Variants in BACH1 observed in about 807,000 individuals in gnomAD.
The protein encoded by BACH1 is BTB domain and CNC homolog 1.
In BACH1, 35 loss-of-function variants were observed where a neutral mutation model predicts 52.9. The observed-to-expected ratio is 0.66, with a 90% confidence interval of 0.51 to 0.88. BACH1 has a LOEUF of 0.88. Among genes scored for constraint, BACH1 ranks in the 40% least tolerant of loss-of-function variants. BACH1 has a pLI of 0.00. For synonymous variants in BACH1, 321 were observed against 319.6 expected (o/e 1.00, Z -0.05); for missense variants, 808 against 872.6 (o/e 0.93, Z 0.93).
chr21:29,300,464 C>T (rs1701803345), intron 1 of BACH1, among the ~76,000 whole-genome samples: 1 of 152,140 alleles, frequency 6.6e-6, no homozygotes, highest in African/African-American at 2.4e-5. Context: ...TGTTTTGATA[C>T]AGGTTATCAG....
chr21:29,335,699 C>T (rs973811446), intron 4 of BACH1, among the ~76,000 whole-genome samples: 3 of 152,176 alleles, frequency 2.0e-5, no homozygotes, highest in African/African-American at 7.2e-5. Context: ...TTTGTCTCTC[C>T]ACCTCAGATC....
At chr21:29,352,347 C>T (rs1201177407) in intron 2 of BACH1, among the ~76,000 whole-genome samples, 1 of 152,086 alleles carries the variant, frequency 6.6e-6, no homozygotes, top group Non-Finnish European at 1.5e-5. Flanking sequence ...AGCCACTGCT[C>T]CCGGCCTAGA....
At chr21:29,322,056 G>C (rs2088854771) in intron 2 of BACH1, among the ~76,000 whole-genome samples, 2 of 152,176 alleles carry the variant, frequency 1.3e-5, no homozygotes, top group South Asian at 4.1e-4. Context: ...GAGAGAACTT[G>C]TGCAGTGAAG....
chr21:29,342,833 A>G lies in BACH1; in HGVS notation c.2211A>G (p.Ter737=), dbSNP rs2089131266. ...CTGATAAATGTACTACTGATGAGTA[A>G]ACTTGCATTCACTTCCTTCAAACCA... The part of the protein sequence containing the change: ...QMTDKCTTDE[*] Residue 737 remains the stop codon, a stop_retained_variant, in exon 5 of 5, where the codon TAA becomes TAG. Coordinates refer to ENST00000286800, the MANE Select transcript of BACH1 (RefSeq NM_001186.4). 1 of 1,574,346 alleles carries G rather than the reference A, an allele frequency of 6.4e-7. No individual in the cohort carries two copies. The highest frequency in any genetic ancestry group is 2.3e-5 in the East Asian group (1 of 44,140).
chr21:29,332,270 GTC>G (rs772344358), intron 4 of BACH1, among the ~76,000 whole-genome samples: 2 of 152,092 alleles, frequency 1.3e-5, no homozygotes, highest in East Asian at 3.9e-4. Context: ...TCTTCCTAAT[GTC>G]TCTGCCTAAA....
chr21:29,317,563 C>T lies in BACH1; in HGVS notation c.-60-3658C>T, dbSNP rs114411578. ...GCTAGAGAATAGCAAGAAAGGGGGGCAATGGCTTGAGATAAGTCTGGATTA... is the reference window on the plus strand; with the variant it reads ...GCTAGAGAATAGCAAGAAAGGGGGGTAATGGCTTGAGATAAGTCTGGATTA... On this transcript the variant is annotated intron_variant, in intron 1 of 4. Coordinates refer to ENST00000286800, the MANE Select transcript of BACH1 (RefSeq NM_001186.4). Among the ~76,000 whole-genome samples, 561 of 152,136 alleles carry T rather than the reference C, an allele frequency of 3.7e-3. 4 individuals carry two copies. The highest frequency in any genetic ancestry group is 0.013 in the African/African-American group (532 of 41,494).
chr21:29,312,461 G>A (rs907531504), intron 1 of BACH1, among the ~76,000 whole-genome samples: 3 of 152,124 alleles, frequency 2.0e-5, no homozygotes, highest in Admixed American at 6.5e-5. Context: ...GCATAAAGAC[G>A]GGAAAGAAGT....
intron 2 of BACH1, among the ~76,000 whole-genome samples, chr21:29,324,062 G>A (rs1476183082): frequency 6.6e-6 from 1 of 151,936 alleles, no homozygotes; most frequent in Non-Finnish European, 1.5e-5. Flanking sequence ...GACCAGCCTG[G>A]CCAACATGGT....
chr21:29,301,777 T>G (rs2088606384), intron 1 of BACH1, among the ~76,000 whole-genome samples: 2 of 151,018 alleles, frequency 1.3e-5, no homozygotes, highest in African/African-American at 4.9e-5. Flanking sequence ...TTGAAGTCTG[T>G]TTTTTTTTGT....
intron 2 of BACH1, among the ~76,000 whole-genome samples, chr21:29,324,218 A>G: frequency 6.9e-6 from 1 of 143,964 alleles, no homozygotes; most frequent in African/African-American, 2.6e-5. Context: ...GGTGACAGAG[A>G]GAGACTCTGC....
In BACH1 at chr21:29,344,658, GTGTGTGTGTGTA is replaced by G. The variant is rs1245873830; in HGVS notation, c.*1831_*1842del. The G allele has an allele frequency of 6.6e-6, 1 of 152,016 alleles. No homozygotes were observed. Among genetic ancestry groups the G allele is most frequent in the African/African-American group, 2.4e-5 (1 of 41,326 alleles). The allele number at this position is 152,016 out of a possible 1,614,324, so 9.4% of individuals were successfully genotyped here. A position where few individuals can be genotyped will look rare whatever the true frequency, so the allele number is the denominator to read the frequency against. On this transcript the variant is annotated 3_prime_UTR_variant, in exon 5 of 5. Coordinates refer to ENST00000286800, the MANE Select transcript of BACH1 (RefSeq NM_001186.4). ...TTTGTGTGTGTGTGTGTGTGTGTGT[GTGTGTGTGTGTA>G]TGTGTATGTATACATATATATCTCT...
At chr21:29,321,870 A>C (rs1214080599) in intron 2 of BACH1, among the ~76,000 whole-genome samples, 1 of 151,970 alleles carries the variant, frequency 6.6e-6, no homozygotes, top group East Asian at 1.9e-4. Context: ...AGTGATCAGC[A>C]ATTGTAGCTA....
chr21:29,360,136 T>A (rs1357145135), intron 2 of BACH1, among the ~76,000 whole-genome samples: 1 of 152,194 alleles, frequency 6.6e-6, no homozygotes, highest in Non-Finnish European at 1.5e-5. Flanking sequence ...GTACCTCTTA[T>A]GCATATTGAT....
In BACH1 at chr21:29,329,480, A is replaced by T; in HGVS notation, c.1570-7A>T. 1 of 1,518,028 alleles carries T rather than the reference A, an allele frequency of 6.6e-7. No individual in the cohort carries two copies. Among genetic ancestry groups the T allele is most frequent in the East Asian group, 2.4e-5 (1 of 42,530 alleles). 94.0% of individuals were successfully genotyped at this position (1,518,028 alleles called of 1,614,324 possible). On this transcript the variant is annotated splice_region_variant and splice_polypyrimidine_tract_variant and intron_variant, in intron 3 of 4. Transcript: ENST00000286800. ...CAATAATTAGTAATATTTATTTCAT[A>T]TTCTAGGTAAAACTGCCATTCAATG...
chr21:29,304,480 A>AT lies in BACH1; in HGVS notation c.-61+5534dup, dbSNP rs1051481176. Among the ~76,000 whole-genome samples, 9 of 152,082 alleles carry AT rather than the reference A, an allele frequency of 5.9e-5. 1 individual carries two copies. The highest frequency in any genetic ancestry group is 2.2e-4 in the African/African-American group (9 of 41,484). On this transcript the variant is annotated intron_variant, in intron 1 of 4. Transcript: ENST00000286800. Reference sequence around the variant, plus strand: ...GTTTTTTTCACTTTTTAAATTTATCATTTTTTTAGATCAGATCAGTCAGTG... The same window carrying AT: ...GTTTTTTTCACTTTTTAAATTTATCATTTTTTTTAGATCAGATCAGTCAGTG...
chr21:29,356,133 TC>T (rs2089233271), intron 2 of BACH1, among the ~76,000 whole-genome samples: 1 of 152,342 alleles, frequency 6.6e-6, no homozygotes, highest in African/African-American at 2.4e-5. Flanking sequence ...CTATTCCGGT[TC>T]CTGTAGCAGT....
chr21:29,335,461 T>G (rs2089033666), intron 4 of BACH1, among the ~76,000 whole-genome samples: 1 of 152,172 alleles, frequency 6.6e-6, no homozygotes, highest in African/African-American at 2.4e-5. Flanking sequence ...CAGAAATGAG[T>G]AAGACAGAAT....
intron 1 of BACH1, among the ~76,000 whole-genome samples, chr21:29,313,063 G>A (rs1329578048): frequency 6.6e-6 from 1 of 152,178 alleles, no homozygotes; most frequent in Admixed American, 6.5e-5. Context: ...GGATTAAAAA[G>A]ATGACAGTAC....
At chr21:29,329,807 G>A (rs1394241830) in intron 4 of BACH1, 114 bp downstream of exon 4, 1 of 740,848 alleles carries the variant, frequency 1.3e-6, no homozygotes, top group African/African-American at 1.8e-5. Context: ...ATTTTAATAT[G>A]TATCAATTAC....
Sources: gnomAD v4.1 joint callset for allele counts (sites outside exome capture counted in the v4.1 genomes callset) on GRCh38, gnomAD v4.1.1 for gene constraint, MANE v1.5 for transcripts, NCBI Gene and HGNC (gene_info 2026-07-23, HGNC 2026-07-21) for gene names.